Variants in AGA observed in about 807,000 individuals in gnomAD.
AGA encodes N(4)-(beta-N-acetylglucosaminyl)-L-asparaginase.
Under a neutral mutation model 40.1 loss-of-function variants are expected in AGA, and 31 were observed. That is an observed-to-expected ratio of 0.77 (90% CI 0.58 to 1.04). The LOEUF is 1.04. AGA is among the 50% of genes least tolerant of loss of function. AGA has a pLI of 0.00. For missense variants in AGA, 445 were observed against 435.4 expected, an observed-to-expected ratio of 1.02 and a Z score of -0.20; for synonymous variants, 148 against 144.0, an observed-to-expected ratio of 1.03 and a Z score of -0.20.
intron 4 of AGA, among the ~76,000 whole-genome samples, 173 bp from the exon 5 acceptor site, chr4:177,437,692 A>G (rs907178389): frequency 2.6e-5 from 4 of 152,336 alleles, no homozygotes; most frequent in East Asian, 3.9e-4. Context: ...CAAATAAGAT[A>G]AATAATTTTA....
intron 1 of AGA, 124 bp downstream of exon 1, chr4:177,442,125 C>T: frequency 7.0e-7 from 1 of 1,425,408 alleles, no homozygotes. Flanking sequence ...GGCGGGACCG[C>T]GAGGCCCGGC....
Position 177,441,039 on chromosome 4 carries a change from TAAG to T in AGA, c.128-616_128-614del, listed in dbSNP as rs562597029. Among the ~76,000 whole-genome samples the T allele has an allele frequency of 6.4e-3, 969 of 152,230 alleles. 24 individuals carry two copies. Among genetic ancestry groups the T allele is most frequent in the Non-Finnish European group, 3.5e-3 (241 of 68,016 alleles). ...AGTTAGTTTAAGGTCACACAGCTGG[TAAG>T]TAGCAGAGCCAGGATCCCATACATT... On this transcript the variant is annotated intron_variant, in intron 1 of 8. Transcript: ENST00000264595.
rs121964905 is a variant in AGA, at chr4:177,433,250, C to T, written c.904G>A (p.Gly302Arg). Reference protein sequence around the residue: ...RIQKHFPEFFGAVICANVTGS... With the variant: ...RIQKHFPEFFRAVICANVTGS... ...GTCACATTGGCACATATAACAGCCC[C>T]AAAGAATTCTGGAAAATGCTTCTGG... is the stretch of plus-strand genomic sequence containing the variant. Residue 302 changes from glycine (G) to arginine (R), a missense_variant, in exon 8 of 9, where the codon GGG becomes AGG. Physicochemically the swap from Gly to Arg is moderately radical, Grantham distance 125 (BLOSUM62 -2). Transcript: ENST00000264595. The T allele has an allele frequency of 1.9e-6, 3 of 1,614,080 alleles. No homozygotes were observed. Among genetic ancestry groups the T allele is most frequent in the Non-Finnish European group, 1.7e-6 (2 of 1,179,998 alleles).
At chr4:177,441,422 T>C (rs774470030) in intron 1 of AGA, among the ~76,000 whole-genome samples, 20 of 152,290 alleles carry the variant, frequency 1.3e-4, no homozygotes, top group Non-Finnish European at 2.4e-4. Context: ...ATGACTCTTC[T>C]GGTCATTAAG....
Position 177,442,393 on chromosome 4 carries a change from A to G in AGA, c.-18T>C, listed in dbSNP as rs754996655. The G allele has an allele frequency of 1.9e-6, 3 of 1,613,694 alleles. No individual in the cohort carries two copies. The highest frequency in any genetic ancestry group is 1.1e-5 in the South Asian group (1 of 91,068). On this transcript the variant is annotated 5_prime_UTR_variant, in exon 1 of 9. Coordinates refer to ENST00000264595, the MANE Select transcript of AGA (RefSeq NM_000027.4). Reference sequence around the variant, plus strand: ...CGCGCCATCCCTGACCACCGAAGAGACCAGCGCGAGAAAAGTCCCGGCAGC... The same window carrying G: ...CGCGCCATCCCTGACCACCGAAGAGGCCAGCGCGAGAAAAGTCCCGGCAGC...
intron 1 of AGA, among the ~76,000 whole-genome samples, 198 bp downstream of exon 1, chr4:177,442,051 G>C (rs1030043128): frequency 6.6e-6 from 1 of 152,212 alleles, no homozygotes; most frequent in Admixed American, 6.5e-5. Context: ...GGTAGGTGGG[G>C]AGGATGCAGT....
intron 1 of AGA, among the ~76,000 whole-genome samples, chr4:177,441,170 A>G (rs1439844314): frequency 6.6e-6 from 1 of 152,226 alleles, no homozygotes; most frequent in African/African-American, 2.4e-5. Flanking sequence ...TACAGCACCT[A>G]CAGGCTTGAA....
intron 8 of AGA, among the ~76,000 whole-genome samples, chr4:177,432,924 T>C (rs959659128): frequency 2.6e-5 from 4 of 152,206 alleles, no homozygotes; most frequent in Non-Finnish European, 5.9e-5. Context: ...GATTAGCCTA[T>C]GTCAACGTGT....
At chr4:177,436,631 A>C (rs1413787172) in intron 5 of AGA, among the ~76,000 whole-genome samples, 1 of 152,226 alleles carries the variant, frequency 6.6e-6, no homozygotes, top group Non-Finnish European at 1.5e-5. Context: ...CACAGCAAGA[A>C]GACGCCATCC....
intron 8 of AGA, 113 bp from the exon 9 acceptor site, chr4:177,431,921 A>G: frequency 1.2e-6 from 1 of 867,076 alleles, no homozygotes; most frequent in Admixed American, 2.0e-5. Context: ...CTTATGTCTA[A>G]GCCACATGGA....
At position 177,430,874 on chromosome 4, in the gene AGA, G is replaced by GTT. The variant is rs1560944125; in HGVS notation, c.*832_*833dup. On this transcript the variant is annotated 3_prime_UTR_variant, in exon 9 of 9. Coordinates refer to ENST00000264595, the MANE Select transcript of AGA (RefSeq NM_000027.4). ...AAAGCACGCGCACAACTTCTGTAGA[G>GTT]TTGTCATACAGAGAGTTAATCAGAA... 1 of 454,060 alleles carries GTT rather than the reference G, an allele frequency of 2.2e-6. No individual in the cohort carries two copies. The allele number at this position is 454,060 out of a possible 1,614,324, so 28.1% of individuals were successfully genotyped here. A position where few individuals can be genotyped will look rare whatever the true frequency, so the allele number is the denominator to read the frequency against.
At chr4:177,442,224 G>C (rs11131799) in intron 1 of AGA, 25 bp downstream of exon 1, 1 of 1,611,436 alleles carries the variant, frequency 6.2e-7, no homozygotes. Context: ...CGGCGCAGCC[G>C]CCCGCCCAGG....
chr4:177,437,449 G>C lies in AGA; in HGVS notation c.578C>G (p.Pro193Arg). 1 of 1,613,518 alleles carries C rather than the reference G, an allele frequency of 6.2e-7. No individual in the cohort carries two copies. Among genetic ancestry groups the C allele is most frequent in the East Asian group, 2.2e-5 (1 of 44,774 alleles). ...KPPGILKQDIPIHKETEDDRG... is the reference protein window; with the variant it reads ...KPPGILKQDIRIHKETEDDRG... ...ATCATCTTCTGTTTCTTTATGGATA[G>C]GAATATCCTGCTTTAAGATACCAGG... Residue 193 changes from proline (P) to arginine (R), a missense_variant, in exon 5 of 9, where the codon CCT becomes CGT. By Grantham distance (103) the Pro-to-Arg change is moderately radical. Coordinates refer to ENST00000264595, the MANE Select transcript of AGA (RefSeq NM_000027.4).
intron 4 of AGA, 41 bp from the exon 5 acceptor site, chr4:177,437,560 T>C (rs1246676971): frequency 6.9e-7 from 1 of 1,439,760 alleles, no homozygotes; most frequent in East Asian, 2.3e-5. Flanking sequence ...CAAAGGGTAT[T>C]TTTAGAAATT....
At position 177,436,329 on chromosome 4, in the gene AGA, T is replaced by C. The variant is rs201441868; in HGVS notation, c.645A>G (p.Thr215=). 7.4e-5 allele frequency: 120 copies of C among 1,613,524 alleles called. No homozygotes were observed. The highest frequency in any genetic ancestry group is 9.5e-5 in the Non-Finnish European group (112 of 1,179,792). The change falls in exon 6 of 9, where the codon ACA becomes ACG. Residue 215 remains threonine (T), a synonymous_variant. Coordinates refer to ENST00000264595, the MANE Select transcript of AGA (RefSeq NM_000027.4). ...TAGATGTACCAGCAGCAATATGTCC[T>C]GTCTTATGGATTACAACCATGCCTA... The part of the protein sequence containing the change: ...DTIGMVVIHK[T]GHIAAGTSTN...
intron 8 of AGA, 124 bp downstream of exon 8, chr4:177,433,090 A>ATGC: frequency 7.5e-7 from 1 of 1,338,046 alleles, no homozygotes; most frequent in Non-Finnish European, 1.1e-6. Flanking sequence ...CATTTACTCA[A>ATGC]TGCCCACTTA....
intron 6 of AGA, among the ~76,000 whole-genome samples, chr4:177,435,866 C>G (rs904647220): frequency 2.0e-5 from 3 of 151,838 alleles, no homozygotes; most frequent in African/African-American, 2.4e-5. Context: ...CACACACACA[C>G]ACACACACCC....
chr4:177,440,251 A>G (rs752824210), intron 2 of AGA, 22 bp downstream of exon 2: 7 of 1,613,642 alleles, frequency 4.3e-6, no homozygotes, highest in Non-Finnish European at 5.9e-6. Flanking sequence ...CATAATAAAT[A>G]GGACCTGAAC....
At chr4:177,438,920 T>C (rs1039649070) in intron 3 of AGA, 63 bp from the exon 4 acceptor site, 44 of 970,172 alleles carry the variant, frequency 4.5e-5, no homozygotes, top group Admixed American at 1.1e-4. Context: ...CAAAAATATA[T>C]GTACTAGAGA....
Sources: allele counts gnomAD v4.1 joint callset (sites outside exome capture counted in the v4.1 genomes callset), GRCh38; gene constraint gnomAD v4.1.1; transcripts MANE v1.5; gene names NCBI Gene and HGNC (gene_info 2026-07-23, HGNC 2026-07-21).